SLC35F3: variants seen among roughly 807,000 people sequenced by gnomAD.
SLC35F3 encodes the protein solute carrier family 35 member F3.
SLC35F3 carries 25 observed loss-of-function variants against 49.9 expected under a neutral mutation model. The ratio of observed to expected loss-of-function variants is 0.50; its 90% CI spans 0.37 to 0.70. The LOEUF (loss-of-function observed/expected upper bound fraction) is 0.70. SLC35F3 is among the 30% of genes least tolerant of loss of function. The pLI is 0.00. For synonymous variants in SLC35F3, 275 were observed against 265.4 expected, an observed-to-expected ratio of 1.04 and a Z score of -0.35; for missense variants, 525 against 639.8, an observed-to-expected ratio of 0.82 and a Z score of 1.94.
chr1:234,018,707 T>G (rs1359924270), intron 2 of SLC35F3, among the ~76,000 whole-genome samples: 1 of 152,208 alleles, frequency 6.6e-6, no homozygotes, highest in Non-Finnish European at 1.5e-5. Context: ...CTTCCTGTGC[T>G]TGATAAACAT....
In SLC35F3 at chr1:234,322,992, G is replaced by T. The variant is rs377311482; in HGVS notation, c.1238-16G>T. ...AACCCTGCAGCTGAGAAACCTCCAT[G>T]CTCTGTCTCCCACAGTGATTGATCA... On this transcript the variant is annotated splice_polypyrimidine_tract_variant and intron_variant, in intron 7 of 7. Transcript: ENST00000366618. 6.2e-7 allele frequency: 1 copy of T among 1,610,680 alleles called. No individual in the cohort carries two copies. Among genetic ancestry groups the T allele is most frequent in the Non-Finnish European group, 8.5e-7 (1 of 1,177,660 alleles).
chr1:234,206,510 AT>A (rs1392683795), intron 2 of SLC35F3, among the ~76,000 whole-genome samples: 3 of 149,300 alleles, frequency 2.0e-5, no homozygotes, highest in Admixed American at 2.0e-4. Flanking sequence ...GGGGGGGGCT[AT>A]TTCCAGGGCT....
At chr1:234,312,841 TG>T (rs1278556128) in intron 4 of SLC35F3, among the ~76,000 whole-genome samples, 3 of 149,182 alleles carry the variant, frequency 2.0e-5, no homozygotes, top group African/African-American at 7.5e-5. Context: ...TTTTGTTGTT[TG>T]TTTTTTTTAG....
intron 2 of SLC35F3, among the ~76,000 whole-genome samples, chr1:234,203,426 G>A (rs1192120123): frequency 6.6e-6 from 1 of 152,164 alleles, no homozygotes. Flanking sequence ...ATCAAGAATG[G>A]TTTTGGCCAG....
At chr1:234,213,586 G>T (rs901578932) in intron 2 of SLC35F3, 3 of 152,224 alleles carry the variant, frequency 2.0e-5, no homozygotes, top group Non-Finnish European at 4.4e-5. Context: ...GAGCACCATC[G>T]GCCAGTAGCT....
At chr1:234,126,975 G>T (rs1373624906) in intron 2 of SLC35F3, among the ~76,000 whole-genome samples, 1 of 152,202 alleles carries the variant, frequency 6.6e-6, no homozygotes, top group African/African-American at 2.4e-5. Context: ...GGGATTACAG[G>T]CATGAGCCAC....
intron 2 of SLC35F3, among the ~76,000 whole-genome samples, chr1:234,172,868 A>G (rs1393181682): frequency 1.3e-5 from 2 of 152,342 alleles, no homozygotes; most frequent in South Asian, 2.1e-4. Flanking sequence ...TGACTGAAAC[A>G]TCACTATGCA....
chr1:234,225,899 A>T (rs1347086882), intron 2 of SLC35F3, among the ~76,000 whole-genome samples: 2 of 152,232 alleles, frequency 1.3e-5, no homozygotes, highest in East Asian at 1.9e-4. Flanking sequence ...AACCCCAAAG[A>T]CATGATGTTA....
intron 3 of SLC35F3, among the ~76,000 whole-genome samples, chr1:234,284,252 G>C (rs1668375275): frequency 6.6e-6 from 1 of 152,108 alleles, no homozygotes; most frequent in Non-Finnish European, 1.5e-5. Flanking sequence ...TTTTGTAGAT[G>C]ACAAAATGGA....
At chr1:234,062,611 G>C (rs897172593) in intron 2 of SLC35F3, among the ~76,000 whole-genome samples, 1 of 152,042 alleles carries the variant, frequency 6.6e-6, no homozygotes, top group African/African-American at 2.4e-5. Flanking sequence ...TGTTGCAAAT[G>C]AAGTCAATTT....
intron 2 of SLC35F3, among the ~76,000 whole-genome samples, chr1:234,001,434 A>G (rs1558201896): frequency 1.3e-5 from 2 of 152,214 alleles, no homozygotes; most frequent in African/African-American, 2.4e-5. Context: ...CCAATATTGA[A>G]TGAATGGCTA....
intron 3 of SLC35F3, among the ~76,000 whole-genome samples, chr1:234,301,342 C>A (rs1307941888): frequency 1.3e-5 from 2 of 152,046 alleles, no homozygotes; most frequent in Admixed American, 6.5e-5. Flanking sequence ...TAAACATATG[C>A]ACAAGAAAAA....
rs1016766095 is a variant in SLC35F3, at chr1:233,905,859, C to T, written c.283+101C>T. 2.7e-5 allele frequency: 30 copies of T among 1,098,872 alleles called. No homozygotes were observed. The African/African-American group carries it at 3.4e-4, about 13-fold the overall frequency. 68.1% of individuals were successfully genotyped at this position (1,098,872 alleles called of 1,614,324 possible). On this transcript the variant is annotated intron_variant, in intron 2 of 7. Transcript: ENST00000366618. ...CACGCAGTGAGGCGTCCAGCCACCC[C>T]CTCCCGCCCTGCCTGCTGATACAGA...
intron 3 of SLC35F3, among the ~76,000 whole-genome samples, chr1:234,247,227 G>C (rs1321578055): frequency 6.6e-6 from 1 of 152,270 alleles, no homozygotes; most frequent in African/African-American, 2.4e-5. Flanking sequence ...ATGCATGGGT[G>C]CATGTATGCA....
chr1:234,106,506 G>A (rs977898111), intron 2 of SLC35F3, among the ~76,000 whole-genome samples: 1 of 152,182 alleles, frequency 6.6e-6, no homozygotes, highest in Admixed American at 6.5e-5. Flanking sequence ...ACTGCAGACA[G>A]CACCTCCTTG....
chr1:233,956,252 T>A (rs189522516), intron 2 of SLC35F3, among the ~76,000 whole-genome samples: 1 of 152,126 alleles, frequency 6.6e-6, no homozygotes, highest in African/African-American at 2.4e-5. Context: ...TGCTCTAGAA[T>A]TGGTAGCAGA....
intron 2 of SLC35F3, among the ~76,000 whole-genome samples, chr1:233,907,539 T>C (rs1661796674): frequency 6.6e-6 from 1 of 152,198 alleles, no homozygotes; most frequent in Non-Finnish European, 1.5e-5. Flanking sequence ...TAAAATCAGC[T>C]CATTCCACTC....
intron 2 of SLC35F3, among the ~76,000 whole-genome samples, chr1:233,948,451 G>A (rs1412731802): frequency 6.6e-6 from 1 of 151,562 alleles, no homozygotes; most frequent in African/African-American, 2.4e-5. Context: ...AAGGGTTCAA[G>A]TGGGTACCAC....
intron 2 of SLC35F3, among the ~76,000 whole-genome samples, chr1:233,915,972 A>G (rs2102784869): frequency 6.6e-6 from 1 of 152,290 alleles, no homozygotes; most frequent in East Asian, 1.9e-4. Flanking sequence ...ATCAGTAGGT[A>G]TGGGACAGTT....
Sources: gnomAD v4.1 joint callset for allele counts (sites outside exome capture counted in the v4.1 genomes callset) on GRCh38, gnomAD v4.1.1 for gene constraint, MANE v1.5 for transcripts, NCBI Gene and HGNC (gene_info 2026-07-23, HGNC 2026-07-21) for gene names.